The following PKLR variants were observed in gnomAD, a reference collection of about 807,000 sequenced individuals.
The protein encoded by PKLR is pyruvate kinase L/R, also known as pyruvate kinase PKLR.
In PKLR, 38 loss-of-function variants were observed where a neutral mutation model predicts 53.6. That is an observed-to-expected ratio of 0.71 (90% CI 0.55 to 0.93). PKLR has a LOEUF of 0.93. Among genes scored for constraint, PKLR ranks in the 40% least tolerant of loss-of-function variants. PKLR has a pLI of 0.00. For missense variants in PKLR, 702 were observed against 787.3 expected, an observed-to-expected ratio of 0.89 and a Z score of 1.30; for synonymous variants, 328 against 316.2, an observed-to-expected ratio of 1.04 and a Z score of -0.39.
Position 155,295,179 on chromosome 1 carries a change from C to G in PKLR, c.631G>C (p.Val211Leu), listed in dbSNP as rs777980472. The change falls in exon 5 of 11, where the codon GTG becomes CTG. Residue 211 changes from valine to leucine, a missense_variant. Physicochemically the swap from Val to Leu is conservative, Grantham distance 32 (BLOSUM62 1). Around this residue, in one of 2 missense-constraint regions of PKLR, gnomAD observed 519 missense variants for 537.1 expected, o/e 0.97. Transcript: ENST00000342741. This position sits in a 1 kb window ranked among gnomAD's most constrained non-coding sequence, Gnocchi z 4.3. ...ATGTAGATGCGGCCCCCCACCGGCA[C>G]GACCCGGACAATATTGGGGTAGTCC... ...WVDYPNIVRV[V>L]PVGGRIYIDD... The G allele has an allele frequency of 3.1e-5, 50 of 1,614,030 alleles. No individual in the cohort carries two copies. The highest frequency in any genetic ancestry group is 3.7e-5 in the Non-Finnish European group (44 of 1,180,002).
rs760114275 is a variant in PKLR at position 155,300,319 on chromosome 1, C to T, written c.101-39G>A. On this transcript the variant is annotated intron_variant, in intron 1 of 10. Coordinates refer to ENST00000342741, the MANE Select transcript of PKLR (RefSeq NM_000298.6). ...GGGCTCAGGGACTGCATGTCACCTG[C>T]CCTTCCTCCCCATGCCTTCGTCTCT... is the stretch of plus-strand genomic sequence containing the variant. 19 of 1,518,322 alleles carry T rather than the reference C, an allele frequency of 1.3e-5. No individual in the cohort carries two copies. The South Asian group carries it at 2.3e-4, about 18-fold the overall frequency. 94.1% of individuals were successfully genotyped at this position (1,518,322 alleles called of 1,614,324 possible). A position where few individuals can be genotyped will look rare whatever the true frequency, so the allele number is the denominator to read the frequency against.
intron 2 of PKLR, among the ~76,000 whole-genome samples, chr1:155,299,038 T>TTC (rs1380587410): frequency 5.5e-4 from 38 of 69,118 alleles, no homozygotes; most frequent in African/African-American, 2.4e-3. Context: ...TTCTTTCTCT[T>TTC]TCTTTCTTTC....
chr1:155,308,106 G>C, the PKLR span, among the ~76,000 whole-genome samples: 1 of 145,126 alleles, frequency 6.9e-6, no homozygotes, highest in Admixed American at 7.1e-5. Context: ...TCCCCAGCTA[G>C]AGTGCAGTGG....
chr1:155,299,653 C>T (rs1011131077), intron 2 of PKLR, among the ~76,000 whole-genome samples: 2 of 151,404 alleles, frequency 1.3e-5, no homozygotes, highest in South Asian at 2.1e-4. Flanking sequence ...ATTGCAGGCA[C>T]GCACCACCAT....
upstream of PKLR, chr1:155,301,573 T>G: frequency 1.5e-6 from 1 of 689,398 alleles, no homozygotes; most frequent in Non-Finnish European, 2.5e-6. Flanking sequence ...CTCCTGGCAT[T>G]TCCTCTCATC....
At position 155,295,197 on chromosome 1, in the gene PKLR, G is replaced by A. The variant is rs1216054637; in HGVS notation, c.613C>T (p.Pro205Ser). ...ACCGGCACGACCCGGACAATATTGG[G>A]GTAGTCCACCCACACGGTGTTCGCG... ...GNANTVWVDY[P>S]NIVRVVPVGG... The change falls in exon 5 of 11, where the codon CCC becomes TCC. Residue 205 changes from proline (P) to serine (S), a missense_variant. By Grantham distance (74) the Pro-to-Ser change is moderately conservative. Around this residue, in one of 2 missense-constraint regions of PKLR, gnomAD observed 519 missense variants for 537.1 expected, o/e 0.97. Coordinates refer to ENST00000342741, the MANE Select transcript of PKLR (RefSeq NM_000298.6). This position sits in a 1 kb window ranked among gnomAD's most constrained non-coding sequence, Gnocchi z 4.3. The A allele has an allele frequency of 6.2e-7, 1 of 1,614,020 alleles. No individual in the cohort carries two copies. The highest frequency in any genetic ancestry group is 8.5e-7 in the Non-Finnish European group (1 of 1,180,010).
At chr1:155,300,790 T>C (rs1258701598) in intron 1 of PKLR, 1 of 1,461,054 alleles carries the variant, frequency 6.8e-7, no homozygotes, top group Non-Finnish European at 9.4e-7. Context: ...ATCCTCTGAG[T>C]CTCCCCAGGC....
At chr1:155,300,777 C>T in intron 1 of PKLR, 5 of 1,366,682 alleles carry the variant, frequency 3.7e-6, no homozygotes, top group Non-Finnish European at 5.1e-6. Flanking sequence ...GCTTCCCCAC[C>T]CCATCCTCTG....
At chr1:155,299,014 CTT>C (rs1266768621) in intron 2 of PKLR, among the ~76,000 whole-genome samples, 79 of 102,484 alleles carry the variant, frequency 7.7e-4, no homozygotes, top group South Asian at 5.0e-3. Context: ...TTCTTTCTTT[CTT>C]TCTTTCTTTC....
In PKLR at chr1:155,295,687, T is replaced by C. The variant is rs1489078045; in HGVS notation, c.353A>G (p.Asn118Ser). ...CACCTCGTGGGAGCCGTGGGAGAAGTTGAGTCGCGCAATGTTCATCCCGGC... is the reference window on the plus strand; with the variant it reads ...CACCTCGTGGGAGCCGTGGGAGAAGCTGAGTCGCGCAATGTTCATCCCGGC... ...IKAGMNIARL[N>S]FSHGSHEYHA... Residue 118 changes from asparagine (N) to serine (S), a missense_variant, in exon 3 of 11, where the codon AAC becomes AGC. By Grantham distance (46) the Asn-to-Ser change is conservative. Coordinates refer to ENST00000342741, the MANE Select transcript of PKLR (RefSeq NM_000298.6). This position sits in a 1 kb window ranked among gnomAD's most constrained non-coding sequence, Gnocchi z 4.3. 3.1e-6 allele frequency: 5 copies of C among 1,614,032 alleles called. No homozygotes were observed. Among genetic ancestry groups the C allele is most frequent in the South Asian group, 1.1e-5 (1 of 91,078 alleles).
Position 155,294,899 on chromosome 1 carries a change from A to G in PKLR, c.695-147T>C. ...CCTTGTTCTGGGCTTCGCCCGGAAGAGGCACAGATGGACGTCCGTGGAAGA... is the reference window on the plus strand; with the variant it reads ...CCTTGTTCTGGGCTTCGCCCGGAAGGGGCACAGATGGACGTCCGTGGAAGA... On this transcript the variant is annotated intron_variant, in intron 5 of 10. Coordinates refer to ENST00000342741, the MANE Select transcript of PKLR (RefSeq NM_000298.6). The G allele has an allele frequency of 2.5e-6, 3 of 1,179,878 alleles. No individual in the cohort carries two copies. In the South Asian group the frequency reaches 4.0e-5, roughly 16 times the overall value. 73.1% of individuals were successfully genotyped at this position (1,179,878 alleles called of 1,614,324 possible).
At chr1:155,301,482 G>C, upstream of PKLR, 1 of 1,594,702 alleles carries the variant, frequency 6.3e-7, no homozygotes, top group Non-Finnish European at 8.6e-7. Context: ...GGGAGACAGA[G>C]AAGAGAAAAG....
intron 9 of PKLR, among the ~76,000 whole-genome samples, chr1:155,292,229 TC>T (rs1352030287): frequency 2.2e-5 from 3 of 133,892 alleles, no homozygotes; most frequent in Non-Finnish European, 4.6e-5. Context: ...TGAGACCCCA[TC>T]TCTGCATTAA....
chr1:155,297,988 G>A (rs142640960), intron 2 of PKLR, among the ~76,000 whole-genome samples: 118 of 152,112 alleles, frequency 7.8e-4, no homozygotes, highest in East Asian at 4.3e-3. Context: ...TACTCCTGAT[G>A]CCCTTATCAC....
In PKLR at chr1:155,293,174, C is replaced by G; in HGVS notation, c.1436+3G>C. The G allele has an allele frequency of 6.2e-7, 1 of 1,613,860 alleles. No homozygotes were observed. The highest frequency in any genetic ancestry group is 8.5e-7 in the Non-Finnish European group (1 of 1,179,808). On this transcript the variant is annotated splice_donor_region_variant and intron_variant, in intron 9 of 10. Transcript: ENST00000342741. This position sits in a 1 kb window ranked among gnomAD's most constrained non-coding sequence, Gnocchi z 4.2. ...ATCTGGACATTCCCAATATCCCCCT[C>G]ACCGGCCAGTTGTGGTCAGCACAAT...
At position 155,290,433 on chromosome 1, in the gene PKLR, G is replaced by C; in HGVS notation, c.*139C>G. 1 of 668,764 alleles carries C rather than the reference G, an allele frequency of 1.5e-6. No homozygotes were observed. Among genetic ancestry groups the C allele is most frequent in the Non-Finnish European group, 2.7e-6 (1 of 365,428 alleles). The allele number at this position is 668,764 out of a possible 1,614,324, so 41.4% of individuals were successfully genotyped here. A position where few individuals can be genotyped will look rare whatever the true frequency, so the allele number is the denominator to read the frequency against. On this transcript the variant is annotated 3_prime_UTR_variant, in exon 11 of 11. Coordinates refer to ENST00000342741, the MANE Select transcript of PKLR (RefSeq NM_000298.6). ...AGATGACAGTTATAGTCTCAGATAG[G>C]CCTCAGGTAGGGAGGGTCAGGAATA... is the stretch of plus-strand genomic sequence containing the variant.
rs2148205116 is a variant in PKLR, at chr1:155,294,582, G to T, written c.865C>A (p.Arg289=). Residue 289 remains arginine (R), a synonymous_variant, in exon 6 of 11, where the codon CGG becomes AGG. Transcript: ENST00000342741. Reference sequence around the variant, plus strand: ...ACGGCAGCCACGTCGCTGGCTTTCCGCACAAAGGAGGCAAAGACGATGTCC... The same window carrying T: ...ACGGCAGCCACGTCGCTGGCTTTCCTCACAAAGGAGGCAAAGACGATGTCC... The part of the protein sequence containing the change: ...GVDIVFASFV[R]KASDVAAVRA... The T allele has an allele frequency of 6.2e-7, 1 of 1,614,210 alleles. No individual in the cohort carries two copies. Among genetic ancestry groups the T allele is most frequent in the Non-Finnish European group, 8.5e-7 (1 of 1,180,032 alleles).
upstream of PKLR, among the ~76,000 whole-genome samples, chr1:155,301,739 G>A (rs573575896): frequency 1.5e-4 from 23 of 152,172 alleles, no homozygotes; most frequent in African/African-American, 5.5e-4. Flanking sequence ...GGGTGGGGCT[G>A]GAGCCTGAAG....
At chr1:155,297,420 C>G (rs1317953636) in intron 2 of PKLR, among the ~76,000 whole-genome samples, 1 of 152,110 alleles carries the variant, frequency 6.6e-6, no homozygotes, top group Non-Finnish European at 1.5e-5. Flanking sequence ...ACCTTTGACT[C>G]CTTTCTTTCT....
Sources: gnomAD v4.1 joint callset for allele counts (sites outside exome capture counted in the v4.1 genomes callset) on GRCh38, gnomAD v4.1.1 for gene constraint, gnomAD v4.1.1 regional missense constraint, Gnocchi (gnomAD v3.1) non-coding constraint, MANE v1.5 for transcripts, NCBI Gene and HGNC (gene_info 2026-07-23, HGNC 2026-07-21) for gene names.